Variants in NTM observed in about 807,000 individuals in gnomAD.
NTM encodes the protein IgLON family member 2.
In NTM, 13 loss-of-function variants were observed where a neutral mutation model predicts 42.1. The observed-to-expected ratio is 0.31, with a 90% CI of 0.20 to 0.49. NTM has a LOEUF of 0.49. NTM is among the 20% of genes least tolerant of loss of function. The pLI is 0.99. For synonymous variants in NTM, 187 were observed against 179.2 expected (o/e 1.04, Z -0.35); for missense variants, 373 against 452.8 (o/e 0.82, Z 1.60).
At chr11:132,184,262 G>A (rs1352852609) in intron 3 of NTM, among the ~76,000 whole-genome samples, 1 of 152,112 alleles carries the variant, frequency 6.6e-6, no homozygotes, top group Non-Finnish European at 1.5e-5. Flanking sequence ...TTGCTCCTTT[G>A]CTCTGTTCTC....
chr11:132,032,451 G>T (rs1252247813), intron 2 of NTM, among the ~76,000 whole-genome samples: 1 of 152,168 alleles, frequency 6.6e-6, no homozygotes, highest in Non-Finnish European at 1.5e-5. Context: ...CTTGAATGTA[G>T]TGAAAGTATT....
At chr11:131,703,543 T>C (rs1216433286) in intron 1 of NTM, among the ~76,000 whole-genome samples, 1 of 152,218 alleles carries the variant, frequency 6.6e-6, no homozygotes, top group Non-Finnish European at 1.5e-5. Flanking sequence ...AAAACAGTTA[T>C]GTCAACCAGA....
chr11:131,606,349 C>A (rs7120508), intron 1 of NTM, among the ~76,000 whole-genome samples: 4,952 of 152,248 alleles, frequency 0.033, 256 homozygotes, highest in African/African-American at 0.11. Flanking sequence ...AGCCACCACA[C>A]CTGGCTGACG....
At chr11:132,101,415 C>CT in intron 2 of NTM, among the ~76,000 whole-genome samples, 1 of 152,140 alleles carries the variant, frequency 6.6e-6, no homozygotes, top group Non-Finnish European at 1.5e-5. Flanking sequence ...CCAGGCACAC[C>CT]GTCTTCCCCA....
At chr11:132,092,431 C>T (rs2060481740) in intron 2 of NTM, among the ~76,000 whole-genome samples, 1 of 152,196 alleles carries the variant, frequency 6.6e-6, no homozygotes, top group South Asian at 2.1e-4. Context: ...ACTTGACCCA[C>T]CTGACCTCCT....
chr11:131,406,886 A>G (rs1945866193), intron 1 of NTM, among the ~76,000 whole-genome samples: 1 of 152,230 alleles, frequency 6.6e-6, no homozygotes, highest in Non-Finnish European at 1.5e-5. Flanking sequence ...ATGTACATGC[A>G]TAAGTAACTT....
intron 1 of NTM, among the ~76,000 whole-genome samples, chr11:131,624,043 G>A (rs532977574): frequency 6.6e-6 from 1 of 152,178 alleles, no homozygotes; most frequent in East Asian, 1.9e-4. Flanking sequence ...ATGTCAGGGG[G>A]TTTTTGCCCC....
chr11:132,050,712 G>T (rs1358517676), intron 2 of NTM, among the ~76,000 whole-genome samples: 1 of 152,202 alleles, frequency 6.6e-6, no homozygotes, highest in Non-Finnish European at 1.5e-5. Flanking sequence ...ATAGAGAACT[G>T]CCTGTGAGCA....
At chr11:131,550,246 A>C (rs1286053574) in intron 1 of NTM, among the ~76,000 whole-genome samples, 1 of 152,232 alleles carries the variant, frequency 6.6e-6, no homozygotes, top group Non-Finnish European at 1.5e-5. Context: ...CAGGAGTTTG[A>C]GACCAGCTGG....
At chr11:131,800,719 C>T (rs2092032438) in intron 1 of NTM, among the ~76,000 whole-genome samples, 1 of 152,148 alleles carries the variant, frequency 6.6e-6, no homozygotes, top group Non-Finnish European at 1.5e-5. Flanking sequence ...TCTATGGTTG[C>T]AAGGAGATTT....
At chr11:132,055,719 A>G (rs2079549925) in intron 2 of NTM, among the ~76,000 whole-genome samples, 1 of 152,078 alleles carries the variant, frequency 6.6e-6, no homozygotes. Flanking sequence ...AGCAGTACAA[A>G]GGCCAGGAGG....
At chr11:132,081,552 G>C (rs923218253) in intron 2 of NTM, among the ~76,000 whole-genome samples, 15 of 152,022 alleles carry the variant, frequency 9.9e-5, no homozygotes, top group African/African-American at 3.6e-4. Flanking sequence ...CTAACACGGT[G>C]AAACCCCGTC....
chr11:131,649,685 A>G (rs11606271), intron 1 of NTM, among the ~76,000 whole-genome samples: 1,570 of 152,288 alleles, frequency 0.01, 14 homozygotes, highest in Non-Finnish European at 0.014. Context: ...GAGGCGGTGC[A>G]TGTAGTTTAA....
chr11:131,701,084 T>C (rs1402214133), intron 1 of NTM, among the ~76,000 whole-genome samples: 1 of 152,218 alleles, frequency 6.6e-6, no homozygotes, highest in Non-Finnish European at 1.5e-5. Flanking sequence ...TTTCTTTGTC[T>C]TTCTCAGTTT....
chr11:131,463,381 C>T lies in NTM; in HGVS notation c.82+92493C>T, dbSNP rs115111379. On this transcript the variant is annotated intron_variant, in intron 1 of 8. Transcript: ENST00000683400. ...TGAGGGTAGCACCCAGCTCTGCCCC[C>T]CAGTGCGTGACCTGGGCACAGCTGA... Among the ~76,000 whole-genome samples, 1,140 of 152,308 alleles carry T rather than the reference C, an allele frequency of 7.5e-3. 14 individuals are homozygous for T. The highest frequency in any genetic ancestry group is 0.026 in the African/African-American group (1,083 of 41,576).
At chr11:131,921,827 G>T (rs750396647) in intron 2 of NTM, among the ~76,000 whole-genome samples, 1 of 151,964 alleles carries the variant, frequency 6.6e-6, no homozygotes, top group Non-Finnish European at 1.5e-5. Flanking sequence ...GAGGCCATCA[G>T]CACAAACCCT....
At chr11:131,637,937 G>C (rs982548092) in intron 1 of NTM, among the ~76,000 whole-genome samples, 2 of 152,112 alleles carry the variant, frequency 1.3e-5, no homozygotes, top group South Asian at 2.1e-4. Context: ...CTATAAATCA[G>C]TTTCTCTGTG....
chr11:131,575,569 A>G (rs2057851592), intron 1 of NTM, among the ~76,000 whole-genome samples: 1 of 152,222 alleles, frequency 6.6e-6, no homozygotes, highest in Non-Finnish European at 1.5e-5. Flanking sequence ...TTAGATCGCT[A>G]TAACTTTTAG....
At chr11:131,834,961 C>T (rs2043301071) in intron 1 of NTM, among the ~76,000 whole-genome samples, 1 of 152,024 alleles carries the variant, frequency 6.6e-6, no homozygotes, top group South Asian at 2.1e-4. Flanking sequence ...ACCATTGTAA[C>T]CCTGGCCATT....
Sources: allele counts gnomAD v4.1 joint callset (sites outside exome capture counted in the v4.1 genomes callset), GRCh38; gene constraint gnomAD v4.1.1; transcripts MANE v1.5; gene names NCBI Gene and HGNC (gene_info 2026-07-23, HGNC 2026-07-21).